Variants in UGGT1 observed in about 807,000 individuals in gnomAD.
UGGT1 encodes the protein UDP-glucose:glycoprotein glucosyltransferase 1.
A neutral mutation model predicts 203.9 loss-of-function variants in UGGT1; 107 were observed. The ratio of observed to expected loss-of-function variants is 0.52; its 90% CI spans 0.45 to 0.62. The LOEUF (loss-of-function observed/expected upper bound fraction) is 0.62. Ranked by LOEUF, UGGT1 falls within the 20% of genes least tolerant of loss-of-function variation. UGGT1 has a pLI of 0.00. For missense variants in UGGT1, 1,673 were observed against 1,867.2 expected (o/e 0.90, Z 1.92); for synonymous variants, 628 against 653.5 (o/e 0.96, Z 0.59).
chr2:128,124,265 T>C (rs538511731), intron 11 of UGGT1, among the ~76,000 whole-genome samples: 11 of 152,174 alleles, frequency 7.2e-5, no homozygotes, highest in Non-Finnish European at 1.6e-4. Flanking sequence ...CTTGTTTTTA[T>C]TGATAGCTCG....
chr2:128,135,478 G>A (rs1377443462), intron 15 of UGGT1, among the ~76,000 whole-genome samples: 1 of 152,164 alleles, frequency 6.6e-6, no homozygotes, highest in Non-Finnish European at 1.5e-5. Context: ...TAAATGCTAA[G>A]ATATTTTCAC....
At position 128,174,818 on chromosome 2, in the gene UGGT1, C is replaced by A. The variant is rs866349519; in HGVS notation, c.3499C>A (p.Leu1167Ile). The change falls in exon 31 of 41, where the codon CTT (leucine) becomes ATT (isoleucine). Residue 1167 changes from leucine to isoleucine, a missense_variant. Around this residue, in one of 4 missense-constraint regions of UGGT1, gnomAD observed 513 missense variants for 684.1 expected, o/e 0.75. Coordinates refer to ENST00000259253, the MANE Select transcript of UGGT1 (RefSeq NM_020120.4). The stretch of plus-strand genomic sequence containing the variant: ...CAACCCAGGAGCTTGGATCCTCAGA[C>A]TTAGGAAGGGACGCTCTGAAGATAT... The part of the protein sequence containing the change: ...KANPGAWILR[L>I]RKGRSEDIYR... The A allele has an allele frequency of 1.2e-6, 2 of 1,613,658 alleles. No individual in the cohort carries two copies. The highest frequency in any genetic ancestry group is 2.7e-5 in the African/African-American group (2 of 74,998).
Position 128,193,042 on chromosome 2 carries a change from T to A in UGGT1, c.*3300T>A, listed in dbSNP as rs1438051446. The stretch of plus-strand genomic sequence containing the variant: ...AAATACAAAAATTAGCTGGGCATGG[T>A]GGCACACACCTGTAGTCCCAGCTAC... On this transcript the variant is annotated 3_prime_UTR_variant, in exon 41 of 41. Transcript: ENST00000259253. 6.6e-6 allele frequency: 1 copy of A among 150,752 alleles called. No homozygotes were observed. The highest frequency in any genetic ancestry group is 1.5e-5 in the Non-Finnish European group (1 of 67,926). 9.3% of individuals were successfully genotyped at this position (150,752 alleles called of 1,614,324 possible).
intron 8 of UGGT1, among the ~76,000 whole-genome samples, chr2:128,117,111 A>G (rs963201518): frequency 3.9e-5 from 6 of 152,048 alleles, no homozygotes; most frequent in Admixed American, 3.9e-4. Context: ...TTTTTTTGAG[A>G]CAGAGTCTTG....
chr2:128,110,082 A>G (rs547199484), intron 5 of UGGT1, among the ~76,000 whole-genome samples: 12 of 152,306 alleles, frequency 7.9e-5, no homozygotes, highest in African/African-American at 2.2e-4. Flanking sequence ...ATTAAAGCCA[A>G]TGCCTGAAAT....
chr2:128,094,154 C>T (rs930726087), intron 1 of UGGT1, among the ~76,000 whole-genome samples: 1 of 152,032 alleles, frequency 6.6e-6, no homozygotes, highest in African/African-American at 2.4e-5. Flanking sequence ...ATCTAGACCC[C>T]TTCAGGACAA....
At chr2:128,128,714 A>G (rs778617182) in intron 12 of UGGT1, among the ~76,000 whole-genome samples, 3 of 152,178 alleles carry the variant, frequency 2.0e-5, no homozygotes, top group Non-Finnish European at 4.4e-5. Flanking sequence ...GTGAATTGGT[A>G]CTGACATTGA....
chr2:128,119,373 C>T (rs754063907), intron 8 of UGGT1, among the ~76,000 whole-genome samples: 2 of 151,564 alleles, frequency 1.3e-5, no homozygotes, highest in Non-Finnish European at 2.9e-5. Context: ...GGGCGGATCA[C>T]GAGGTCAGGA....
At chr2:128,101,591 G>A (rs1033387435) in intron 2 of UGGT1, among the ~76,000 whole-genome samples, 4 of 152,152 alleles carry the variant, frequency 2.6e-5, no homozygotes, top group African/African-American at 4.8e-5. Flanking sequence ...GCATGTTAGA[G>A]GTATAAATTA....
chr2:128,180,786 A>C, intron 35 of UGGT1, 104 bp from the exon 36 acceptor site: 1 of 1,204,472 alleles, frequency 8.3e-7, no homozygotes, highest in Non-Finnish European at 1.1e-6. Context: ...TGTTTTGGTA[A>C]ATGTGTTTTA....
chr2:128,157,606 T>G lies in UGGT1; in HGVS notation c.2355+260T>G, dbSNP rs141413766. 9.7e-3 allele frequency among the ~76,000 whole-genome samples: 1,477 copies of G among 152,274 alleles called. 14 individuals carry two copies. The highest frequency in any genetic ancestry group is 0.016 in the Non-Finnish European group (1,056 of 68,014). On this transcript the variant is annotated intron_variant, in intron 22 of 40. Transcript: ENST00000259253. The stretch of plus-strand genomic sequence containing the variant: ...GCGAGATCCTCATCATAGACAAGTT[T>G]TATTGCATACCTGTTCATGTTCTTG...
Position 128,172,633 on chromosome 2 carries a change from G to A in UGGT1, c.3165G>A (p.Lys1055=), listed in dbSNP as rs1295640520. The change falls in exon 29 of 41, where the codon AAG becomes AAA. Residue 1055 remains lysine (K), a synonymous_variant. Coordinates refer to ENST00000259253, the MANE Select transcript of UGGT1 (RefSeq NM_020120.4). The part of the protein sequence containing the change: ...ISFTSDNSFA[K]GPIAKFLDMP... ...TCACTTCAGACAATAGTTTTGCTAAGGGTCCAATCGCAAAATTTTTGGATA... is the reference window on the plus strand; with the variant it reads ...TCACTTCAGACAATAGTTTTGCTAAAGGTCCAATCGCAAAATTTTTGGATA... 2 of 1,614,088 alleles carry A rather than the reference G, an allele frequency of 1.2e-6. No individual in the cohort carries two copies. Among genetic ancestry groups the A allele is most frequent in the East Asian group, 2.2e-5 (1 of 44,872 alleles).
At chr2:128,160,935 A>G (rs1398091236) in intron 24 of UGGT1, among the ~76,000 whole-genome samples, 1 of 152,216 alleles carries the variant, frequency 6.6e-6, no homozygotes, top group African/African-American at 2.4e-5. Context: ...TCCTTGAGGA[A>G]TTGATAAGTA....
chr2:128,094,736 CTTTTTTTTTTTTTTTTTTT>C (rs70988604), intron 1 of UGGT1, among the ~76,000 whole-genome samples: 1 of 84,636 alleles, frequency 1.2e-5, no homozygotes, highest in Admixed American at 1.6e-4. Flanking sequence ...TAAGAGAATG[CTTTTTTTTTTTTTTTTTTT>C]TTTTTTTTTT....
chr2:128,176,876 A>G lies in UGGT1; in HGVS notation c.3602A>G (p.Lys1201Arg), dbSNP rs1691423030. The change falls in exon 32 of 41, where the codon AAA becomes AGA. Residue 1201 changes from lysine (K) to arginine (R), a missense_variant. Transcript: ENST00000259253. Reference protein sequence around the residue: ...DEVVIVLNNFKSKIIKVKVQK... With the variant: ...DEVVIVLNNFRSKIIKVKVQK... Reference sequence around the variant, plus strand: ...GTGGTTATCGTCCTCAACAACTTCAAAAGCAAAATTATTAAAGTGAAGGTG... The same window carrying G: ...GTGGTTATCGTCCTCAACAACTTCAGAAGCAAAATTATTAAAGTGAAGGTG... The G allele has an allele frequency of 3.1e-6, 5 of 1,614,142 alleles. No individual in the cohort carries two copies. Among genetic ancestry groups the G allele is most frequent in the East Asian group, 2.2e-5 (1 of 44,882 alleles).
intron 8 of UGGT1, among the ~76,000 whole-genome samples, chr2:128,117,036 T>C (rs1000437005): frequency 3.3e-5 from 5 of 152,220 alleles, no homozygotes; most frequent in Non-Finnish European, 7.3e-5. Context: ...GAAATAGATA[T>C]AGTAAATTTT....
chr2:128,182,608 A>G (rs1411046893), intron 37 of UGGT1, among the ~76,000 whole-genome samples: 1 of 148,586 alleles, frequency 6.7e-6, no homozygotes, highest in Non-Finnish European at 1.5e-5. Context: ...CTAAGGCAGG[A>G]GAATTGCTTG....
intron 1 of UGGT1, among the ~76,000 whole-genome samples, chr2:128,094,126 A>G (rs1354964904): frequency 6.6e-6 from 1 of 152,086 alleles, no homozygotes; most frequent in Admixed American, 6.5e-5. Flanking sequence ...AGGAATCACC[A>G]CTTTCTGGGG....
At chr2:128,164,549 G>A (rs889609162) in intron 25 of UGGT1, among the ~76,000 whole-genome samples, 181 bp from the exon 26 acceptor site, 4 of 152,230 alleles carry the variant, frequency 2.6e-5, no homozygotes, top group African/African-American at 9.6e-5. Context: ...ATGTGGGAAA[G>A]TGAGTAACTT....
Sources: gnomAD v4.1 joint callset for allele counts (sites outside exome capture counted in the v4.1 genomes callset) on GRCh38, gnomAD v4.1.1 for gene constraint, gnomAD v4.1.1 regional missense constraint, MANE v1.5 for transcripts, NCBI Gene and HGNC (gene_info 2026-07-23, HGNC 2026-07-21) for gene names.